The following NAB1 variants were observed in gnomAD, a reference collection of about 807,000 sequenced individuals.
The protein encoded by NAB1 is NGFI-A-binding protein 1.
Under a neutral mutation model 49.9 loss-of-function variants are expected in NAB1, and 25 were observed. That is an observed-to-expected ratio of 0.50 (90% CI 0.37 to 0.70). The LOEUF is 0.70. Among genes scored for constraint, NAB1 ranks in the 30% least tolerant of loss-of-function variants. The probability of loss-of-function intolerance (pLI) is 0.00; values close to 1 mark genes in which losing one functional copy is unlikely to be tolerated. For missense variants in NAB1, 489 were observed against 575.9 expected, an observed-to-expected ratio of 0.85 and a Z score of 1.54; for synonymous variants, 198 against 215.6, an observed-to-expected ratio of 0.92 and a Z score of 0.71.
At chr2:190,650,390 T>C (rs1056659426) in intron 2 of NAB1, among the ~76,000 whole-genome samples, 3 of 152,218 alleles carry the variant, frequency 2.0e-5, no homozygotes, top group African/African-American at 7.2e-5. Context: ...TTCTCAGATC[T>C]TGTTTAAAAA....
chr2:190,682,215 ATACT>A lies in NAB1; in HGVS notation c.1006-1516_1006-1513del, dbSNP rs1446414599. ...TTATGGGAATTTAGTATGTATTGAT[ATACT>A]TACTTATTTAGTAATTATTACATGC... is the stretch of plus-strand genomic sequence containing the variant. On this transcript the variant is annotated intron_variant, in intron 6 of 9. Transcript: ENST00000337386. This position sits in a 1 kb window ranked among gnomAD's most constrained non-coding sequence, Gnocchi z 4.1. 2.0e-5 allele frequency among the ~76,000 whole-genome samples: 3 copies of A among 152,356 alleles called. No individual in the cohort carries two copies. Among genetic ancestry groups the A allele is most frequent in the African/African-American group, 7.2e-5 (3 of 41,580 alleles).
rs376026711 is a variant in NAB1 at position 190,663,992 on chromosome 2, A to G, written c.819+3997A>G. Among the ~76,000 whole-genome samples the G allele has an allele frequency of 6.6e-6, 1 of 152,160 alleles. No individual in the cohort carries two copies. Among genetic ancestry groups the G allele is most frequent in the African/African-American group, 2.4e-5 (1 of 41,448 alleles). Reference sequence around the variant, plus strand: ...TGGTTTGTGTGATGCCAACCCTTTAAAATTTGTTGAGAGTTTAGTTATGAT... The same window carrying G: ...TGGTTTGTGTGATGCCAACCCTTTAGAATTTGTTGAGAGTTTAGTTATGAT... On this transcript the variant is annotated intron_variant, in intron 4 of 9. Transcript: ENST00000337386. The surrounding 1 kb of genome is among the most constrained non-coding windows in gnomAD (Gnocchi z 4.2).
At chr2:190,664,638 C>T (rs1373161882) in intron 4 of NAB1, among the ~76,000 whole-genome samples, 1 of 110,784 alleles carries the variant, frequency 9.0e-6, no homozygotes, top group East Asian at 2.6e-4. Context: ...TTCCACGTTG[C>T]CCAGGCTGGT....
chr2:190,667,277 G>T lies in NAB1; in HGVS notation c.820-3049G>T, dbSNP rs944207808. ...TTTATGTTGAAAAGTTATTTTCTGTGTTTGTGCATAAGCTAGTACCTCTGA... is the reference window on the plus strand; with the variant it reads ...TTTATGTTGAAAAGTTATTTTCTGTTTTTGTGCATAAGCTAGTACCTCTGA... On this transcript the variant is annotated intron_variant, in intron 4 of 9. Transcript: ENST00000337386. This position sits in a 1 kb window ranked among gnomAD's most constrained non-coding sequence, Gnocchi z 4.4. Among the ~76,000 whole-genome samples, 15 of 152,228 alleles carry T rather than the reference G, an allele frequency of 9.9e-5. No individual in the cohort carries two copies. Among genetic ancestry groups the T allele is most frequent in the African/African-American group, 3.6e-4 (15 of 41,454 alleles).
intron 5 of NAB1, among the ~76,000 whole-genome samples, chr2:190,671,769 C>CTTTTTTTTTTTTTT (rs1177937369): frequency 1.4e-5 from 1 of 71,722 alleles, no homozygotes; most frequent in Non-Finnish European, 2.4e-5. Flanking sequence ...TTCACCTTTC[C>CTTTTTTTTTTTTTT]TTTTTTTTTT....
In NAB1 at chr2:190,650,352, G is replaced by A. The variant is rs546947230; in HGVS notation, c.-197+370G>A. On this transcript the variant is annotated intron_variant, in intron 2 of 9. Coordinates refer to ENST00000337386, the MANE Select transcript of NAB1 (RefSeq NM_005966.4). ...AGTGACGTGTCTGCCAACTCAAAGA[G>A]TGCAAAGATCAGAAGCTGAAAGAGG... Among the ~76,000 whole-genome samples the A allele has an allele frequency of 2.6e-5, 4 of 152,326 alleles. No homozygotes were observed. The South Asian group carries it at 6.2e-4, about 24-fold the overall frequency.
At position 190,680,852 on chromosome 2, in the gene NAB1, A is replaced by C. The variant is rs1695305417; in HGVS notation, c.1006-2886A>C. Among the ~76,000 whole-genome samples the C allele has an allele frequency of 6.6e-6, 1 of 152,236 alleles. No homozygotes were observed. Among genetic ancestry groups the C allele is most frequent in the African/African-American group, 2.4e-5 (1 of 41,468 alleles). On this transcript the variant is annotated intron_variant, in intron 6 of 9. Coordinates refer to ENST00000337386, the MANE Select transcript of NAB1 (RefSeq NM_005966.4). The surrounding 1 kb of genome is among the most constrained non-coding windows in gnomAD (Gnocchi z 5.2). ...GATGAACTTAACAGATATCAGTAACAAACATTTATCAAGTAATTCCTATGG... is the reference window on the plus strand; with the variant it reads ...GATGAACTTAACAGATATCAGTAACCAACATTTATCAAGTAATTCCTATGG...
intron 4 of NAB1, among the ~76,000 whole-genome samples, chr2:190,665,397 C>G (rs1694465312): frequency 6.6e-6 from 1 of 151,202 alleles, no homozygotes; most frequent in Non-Finnish European, 1.5e-5. Flanking sequence ...GTCCAATTCT[C>G]CTCTCCTGAT....
Position 190,666,658 on chromosome 2 carries a change from A to C in NAB1, c.820-3668A>C, listed in dbSNP as rs893277194. Among the ~76,000 whole-genome samples the C allele has an allele frequency of 6.6e-6, 1 of 152,152 alleles. No homozygotes were observed. Among genetic ancestry groups the C allele is most frequent in the Non-Finnish European group, 1.5e-5 (1 of 68,020 alleles). On this transcript the variant is annotated intron_variant, in intron 4 of 9. Transcript: ENST00000337386. This position sits in a 1 kb window ranked among gnomAD's most constrained non-coding sequence, Gnocchi z 5.6. ...CGGGGCGCTGAGGTTGCGCCACTGCATTCCAGCCTGGGAGACAGAGTGAGA... is the reference window on the plus strand; with the variant it reads ...CGGGGCGCTGAGGTTGCGCCACTGCCTTCCAGCCTGGGAGACAGAGTGAGA...
Position 190,676,436 on chromosome 2 carries a change from G to A in NAB1, c.1005+3284G>A, listed in dbSNP as rs1375179486. On this transcript the variant is annotated intron_variant, in intron 6 of 9. Transcript: ENST00000337386. The surrounding 1 kb of genome is among the most constrained non-coding windows in gnomAD (Gnocchi z 4.6). ...GCTTGTTATTTTCTATTTAAAGAAA[G>A]TAATATACAAGACTGAGCATGGTGG... 6.6e-6 allele frequency among the ~76,000 whole-genome samples: 1 copy of A among 152,144 alleles called. No homozygotes were observed.
chr2:190,672,902 A>G (rs1694887380), intron 5 of NAB1, among the ~76,000 whole-genome samples, 199 bp from the exon 6 acceptor site: 1 of 152,100 alleles, frequency 6.6e-6, no homozygotes. Context: ...AATTGTATCT[A>G]TACCTTCCCC....
In NAB1 at chr2:190,676,907, A is replaced by G. The variant is rs1011177928; in HGVS notation, c.1005+3755A>G. 6.6e-6 allele frequency: 1 copy of G among 152,240 alleles called. No homozygotes were observed. The highest frequency in any genetic ancestry group is 2.4e-5 in the African/African-American group (1 of 41,462). The allele number at this position is 152,240 out of a possible 1,614,324, so 9.4% of individuals were successfully genotyped here. A position where few individuals can be genotyped will look rare whatever the true frequency, so the allele number is the denominator to read the frequency against. On this transcript the variant is annotated intron_variant, in intron 6 of 9. Transcript: ENST00000337386. This position sits in a 1 kb window ranked among gnomAD's most constrained non-coding sequence, Gnocchi z 4.6. ...TAATTTTTACAGGGAACAAAAAGAA[A>G]TGTAATGTTGAGCAGATAAAATAAA...
chr2:190,683,044 C>T (rs551638630), intron 6 of NAB1, among the ~76,000 whole-genome samples: 2 of 152,124 alleles, frequency 1.3e-5, no homozygotes, highest in African/African-American at 2.4e-5. Context: ...ATGTCCAATG[C>T]GAGGATAGTG....
At position 190,656,615 on chromosome 2, in the gene NAB1, C is replaced by T. The variant is rs1232328153; in HGVS notation, c.-20+462C>T. Among the ~76,000 whole-genome samples, 3 of 152,064 alleles carry T rather than the reference C, an allele frequency of 2.0e-5. No homozygotes were observed. In the South Asian group the frequency reaches 6.2e-4, roughly 32 times the overall value. On this transcript the variant is annotated intron_variant, in intron 3 of 9. Coordinates refer to ENST00000337386, the MANE Select transcript of NAB1 (RefSeq NM_005966.4). The stretch of plus-strand genomic sequence containing the variant: ...ATTCATAACTACTTTCTTACCCATG[C>T]AGAGGGCTTTCTCTTAAGAACTAGG...
chr2:190,673,844 A>G (rs555510390), intron 6 of NAB1, among the ~76,000 whole-genome samples: 41 of 152,356 alleles, frequency 2.7e-4, no homozygotes, highest in African/African-American at 9.6e-4. Context: ...TCCGAACTAT[A>G]GAATGGTTTC....
At position 190,667,376 on chromosome 2, in the gene NAB1, T is replaced by G. The variant is rs962223140; in HGVS notation, c.820-2950T>G. On this transcript the variant is annotated intron_variant, in intron 4 of 9. Transcript: ENST00000337386. This position sits in a 1 kb window ranked among gnomAD's most constrained non-coding sequence, Gnocchi z 4.4. ...AATTTAGATTTATTAATATGAAAAA[T>G]AAATCGCTACATAAAAAGCTATTTG... is the stretch of plus-strand genomic sequence containing the variant. Among the ~76,000 whole-genome samples the G allele has an allele frequency of 3.3e-5, 5 of 152,220 alleles. No individual in the cohort carries two copies. The highest frequency in any genetic ancestry group is 1.2e-4 in the African/African-American group (5 of 41,456).
Position 190,654,954 on chromosome 2 carries a change from A to C in NAB1, c.-196-1023A>C, listed in dbSNP as rs1410483017. 6.6e-6 allele frequency among the ~76,000 whole-genome samples: 1 copy of C among 152,222 alleles called. No homozygotes were observed. The highest frequency in any genetic ancestry group is 1.5e-5 in the Non-Finnish European group (1 of 68,044). On this transcript the variant is annotated intron_variant, in intron 2 of 9. Transcript: ENST00000337386. The surrounding 1 kb of genome is among the most constrained non-coding windows in gnomAD (Gnocchi z 5.6). ...AGACTTGGGAATCTGGAAGAAGGGC[A>C]GAAAATGAGAGAATGTACTTGATTT...
Position 190,663,385 on chromosome 2 carries a change from A to G in NAB1, c.819+3390A>G, listed in dbSNP as rs1417864246. Among the ~76,000 whole-genome samples the G allele has an allele frequency of 6.6e-6, 1 of 152,212 alleles. No individual in the cohort carries two copies. Among genetic ancestry groups the G allele is most frequent in the Non-Finnish European group, 1.5e-5 (1 of 68,038 alleles). ...TTTTATTCTTTTTTAGAGATCTGCA[A>G]ACTAGGGTCTGTGTGCCCAGTCTCA... On this transcript the variant is annotated intron_variant, in intron 4 of 9. Coordinates refer to ENST00000337386, the MANE Select transcript of NAB1 (RefSeq NM_005966.4). The surrounding 1 kb of genome is among the most constrained non-coding windows in gnomAD (Gnocchi z 4.2).
In NAB1 at chr2:190,682,718, AGCATATAAAACAG is replaced by A. The variant is rs1695409372; in HGVS notation, c.1006-1009_1006-997del. ...ACAAAATAAAAGTATGTACAACTAT[AGCATATAAAACAG>A]GCATATAAAAATTAAATGATTTTTG... On this transcript the variant is annotated intron_variant, in intron 6 of 9. Coordinates refer to ENST00000337386, the MANE Select transcript of NAB1 (RefSeq NM_005966.4). This position sits in a 1 kb window ranked among gnomAD's most constrained non-coding sequence, Gnocchi z 4.1. Among the ~76,000 whole-genome samples the A allele has an allele frequency of 6.6e-6, 1 of 152,258 alleles. No individual in the cohort carries two copies. Among genetic ancestry groups the A allele is most frequent in the South Asian group, 2.1e-4 (1 of 4,838 alleles).
Sources: gnomAD v4.1 joint callset for allele counts (sites outside exome capture counted in the v4.1 genomes callset) on GRCh38, gnomAD v4.1.1 for gene constraint, Gnocchi (gnomAD v3.1) non-coding constraint, MANE v1.5 for transcripts, NCBI Gene and HGNC (gene_info 2026-07-23, HGNC 2026-07-21) for gene names.